FBXW8: variants seen among roughly 807,000 people sequenced by gnomAD.
The protein encoded by FBXW8 is F-box and WD repeat domain containing 8.
A neutral mutation model predicts 65.3 loss-of-function variants in FBXW8; 57 were observed. That is an observed-to-expected ratio of 0.87 (90% CI 0.71 to 1.09). The LOEUF (loss-of-function observed/expected upper bound fraction) is 1.09, where lower values mean the gene tolerates loss of function less well. Ranked by LOEUF, FBXW8 falls within the 50% of genes least tolerant of loss-of-function variation. The pLI is 0.00. For missense variants in FBXW8, 777 were observed against 814.8 expected (o/e 0.95, Z 0.57); for synonymous variants, 308 against 330.2 (o/e 0.93, Z 0.73).
At chr12:116,967,257 C>A (rs555602799) in intron 5 of FBXW8, among the ~76,000 whole-genome samples, 103 of 151,412 alleles carry the variant, frequency 6.8e-4, no homozygotes, top group African/African-American at 2.4e-3. Flanking sequence ...CTGTGTAGTA[C>A]TGCATTATGT....
chr12:116,969,573 T>A (rs1475789819), intron 5 of FBXW8, among the ~76,000 whole-genome samples: 9 of 152,208 alleles, frequency 5.9e-5, no homozygotes, highest in Non-Finnish European at 1.2e-4. Context: ...GAATTTTACC[T>A]TGTGGGTTCT....
At chr12:116,941,319 C>T (rs978399099) in intron 2 of FBXW8, among the ~76,000 whole-genome samples, 2 of 152,170 alleles carry the variant, frequency 1.3e-5, no homozygotes, top group Admixed American at 1.3e-4. Flanking sequence ...ACTGAGACAG[C>T]GTGACACTCT....
In FBXW8 at chr12:116,978,753, G is replaced by A. The variant is rs115011155; in HGVS notation, c.836-6453G>A. 819 of 152,238 alleles carry A rather than the reference G, an allele frequency of 5.4e-3. 11 individuals are homozygous for A. The highest frequency in any genetic ancestry group is 0.019 in the African/African-American group (790 of 41,534). The allele number at this position is 152,238 out of a possible 1,614,324, so 9.4% of individuals were successfully genotyped here. A position where few individuals can be genotyped will look rare whatever the true frequency, so the allele number is the denominator to read the frequency against. ...TATGACCTTTCGAAACTGTTAACCT[G>A]TTTTAAATTTTGTGGTGCATGGAAA... On this transcript the variant is annotated intron_variant, in intron 5 of 10. Transcript: ENST00000652555.
intron 4 of FBXW8, among the ~76,000 whole-genome samples, chr12:116,954,781 C>G (rs1424119115): frequency 6.6e-6 from 1 of 152,116 alleles, no homozygotes; most frequent in East Asian, 1.9e-4. Flanking sequence ...TGCAATCTAA[C>G]CTTTTGACTT....
chr12:117,002,597 AC>A (rs1953557266), intron 7 of FBXW8: 2 of 152,200 alleles, frequency 1.3e-5, no homozygotes, highest in African/African-American at 4.8e-5. Context: ...GTTCACAGAT[AC>A]GGCCGTGTTA....
chr12:117,000,388 T>A (rs189239411), intron 7 of FBXW8, among the ~76,000 whole-genome samples: 1 of 152,242 alleles, frequency 6.6e-6, no homozygotes, highest in Non-Finnish European at 1.5e-5. Context: ...ACCACTGTCA[T>A]GGCTGAAGTT....
chr12:116,990,731 A>C (rs1396402021), intron 7 of FBXW8, among the ~76,000 whole-genome samples: 1 of 152,268 alleles, frequency 6.6e-6, no homozygotes, highest in Non-Finnish European at 1.5e-5. Flanking sequence ...AGGATCCTTC[A>C]GATACAGATG....
intron 1 of FBXW8, among the ~76,000 whole-genome samples, chr12:116,916,542 AT>A (rs541084019): frequency 1.9e-3 from 275 of 148,164 alleles, no homozygotes; most frequent in Middle Eastern, 7.0e-3. Context: ...AGGTCTTTAG[AT>A]TTTTTTTTTT....
intron 7 of FBXW8, among the ~76,000 whole-genome samples, chr12:117,001,576 C>G (rs1953521167): frequency 6.6e-6 from 1 of 151,962 alleles, no homozygotes; most frequent in African/African-American, 2.4e-5. Context: ...TTAAAGAGTT[C>G]ACTTCATAGT....
At chr12:116,945,922 T>G (rs1159979506) in intron 3 of FBXW8, among the ~76,000 whole-genome samples, 2 of 152,180 alleles carry the variant, frequency 1.3e-5, no homozygotes, top group Non-Finnish European at 2.9e-5. Context: ...TTCTAGTAAA[T>G]GTAAGAGGGA....
At chr12:117,013,053 T>C (rs1953864848) in intron 8 of FBXW8, among the ~76,000 whole-genome samples, 1 of 152,094 alleles carries the variant, frequency 6.6e-6, no homozygotes, top group Admixed American at 6.5e-5. Context: ...AAGGTCAGCC[T>C]GGCCAGATGG....
At chr12:116,995,673 TAGGTTCTG>T in intron 7 of FBXW8, among the ~76,000 whole-genome samples, 1 of 151,994 alleles carries the variant, frequency 6.6e-6, no homozygotes, top group Non-Finnish European at 1.5e-5. Flanking sequence ...ATTGGATTCT[TAGGTTCTG>T]ATGTTGCATT....
At chr12:116,988,572 T>TCAA in intron 6 of FBXW8, 91 bp from the exon 7 acceptor site, 1 of 1,116,664 alleles carries the variant, frequency 9.0e-7, no homozygotes, top group East Asian at 2.4e-5. Context: ...GTTGGGTTGC[T>TCAA]GGTCTTCTCA....
intron 5 of FBXW8, among the ~76,000 whole-genome samples, chr12:116,966,523 A>C (rs1371774273): frequency 6.6e-6 from 1 of 152,300 alleles, no homozygotes; most frequent in Non-Finnish European, 1.5e-5. Flanking sequence ...AATCCTGAAC[A>C]TAAAGACTCT....
At chr12:116,937,815 C>T (rs1014371839) in intron 2 of FBXW8, among the ~76,000 whole-genome samples, 12 of 151,672 alleles carry the variant, frequency 7.9e-5, no homozygotes, top group Non-Finnish European at 1.8e-4. Context: ...TAACCCTAAT[C>T]CAGGCAGAGC....
chr12:116,964,841 A>G lies in FBXW8; in HGVS notation c.822A>G (p.Ala274=). The change falls in exon 5 of 11, where the codon GCA becomes GCG. Residue 274 remains alanine, a synonymous_variant. Transcript: ENST00000652555. ...GGATAAACAGCTCGTTGGCAGTAGC[A>G]GCTTATGAGGATGGTAAGTAACCAC... is the stretch of plus-strand genomic sequence containing the variant. ...FVRINSSLAV[A]AYEDGFLNIW... is the part of the protein sequence containing the mutation. 5 of 1,609,416 alleles carry G rather than the reference A, an allele frequency of 3.1e-6. No homozygotes were observed. The highest frequency in any genetic ancestry group is 4.2e-6 in the Non-Finnish European group (5 of 1,178,086).
chr12:116,915,811 GCC>G, intron 1 of FBXW8, among the ~76,000 whole-genome samples: 1 of 151,788 alleles, frequency 6.6e-6, no homozygotes, highest in Non-Finnish European at 1.5e-5. Flanking sequence ...CACCACCACG[GCC>G]TGCTCATTTT....
chr12:116,962,027 G>A (rs1489947602), intron 4 of FBXW8, among the ~76,000 whole-genome samples: 2 of 152,166 alleles, frequency 1.3e-5, no homozygotes, highest in Non-Finnish European at 2.9e-5. Context: ...GGTGCGGGTA[G>A]TGGGCCACAG....
intron 4 of FBXW8, among the ~76,000 whole-genome samples, chr12:116,952,126 C>T (rs1883325344): frequency 6.6e-6 from 1 of 152,156 alleles, no homozygotes; most frequent in Non-Finnish European, 1.5e-5. Context: ...CCTCTGACTG[C>T]ATCATTTTTT....
Sources: gnomAD v4.1 joint callset for allele counts (sites outside exome capture counted in the v4.1 genomes callset) on GRCh38, gnomAD v4.1.1 for gene constraint, MANE v1.5 for transcripts, NCBI Gene and HGNC (gene_info 2026-07-23, HGNC 2026-07-21) for gene names.